The following ZFAT variants were observed in gnomAD, a reference collection of about 807,000 sequenced individuals.
The protein encoded by ZFAT is zinc finger and AT-hook domain containing, also known as zinc finger protein ZFAT.
Under a neutral mutation model 117.7 loss-of-function variants are expected in ZFAT, and 64 were observed. The ratio of observed to expected loss-of-function variants is 0.54; its 90% CI spans 0.44 to 0.67. The LOEUF (loss-of-function observed/expected upper bound fraction) is 0.67, where lower values mean the gene tolerates loss of function less well. Ranked by LOEUF, ZFAT falls within the 30% of genes least tolerant of loss-of-function variation. The pLI is 0.00. For missense variants in ZFAT, 1,433 were observed against 1,584.5 expected, an observed-to-expected ratio of 0.90 and a Z score of 1.62; for synonymous variants, 679 against 615.0, an observed-to-expected ratio of 1.10 and a Z score of -1.54.
At chr8:134,545,964 GC>G (rs1055109762) in intron 11 of ZFAT, among the ~76,000 whole-genome samples, 1 of 152,122 alleles carries the variant, frequency 6.6e-6, no homozygotes, top group Non-Finnish European at 1.5e-5. Context: ...GGCAACAGAG[GC>G]CCCCTTCACA....
intron 3 of ZFAT, among the ~76,000 whole-genome samples, chr8:134,624,351 T>G (rs921844728): frequency 2.0e-5 from 3 of 152,144 alleles, no homozygotes; most frequent in African/African-American, 2.4e-5. Flanking sequence ...CTTCTAGAAG[T>G]GCTTCTTTAG....
At chr8:134,826,438 C>A in the ZFAT span, among the ~76,000 whole-genome samples, 1 of 152,096 alleles carries the variant, frequency 6.6e-6, no homozygotes, top group African/African-American at 2.4e-5. Context: ...TGTAAAAAAT[C>A]CTCACATGTA....
At chr8:134,607,608 A>G (rs1314190106) in intron 5 of ZFAT, among the ~76,000 whole-genome samples, 1 of 152,266 alleles carries the variant, frequency 6.6e-6, no homozygotes, top group East Asian at 1.9e-4. Context: ...CAATTTGTTG[A>G]GCTGAACTCA....
intron 15 of ZFAT, among the ~76,000 whole-genome samples, chr8:134,495,208 C>T (rs900572292): frequency 5.3e-5 from 8 of 152,122 alleles, no homozygotes; most frequent in Non-Finnish European, 8.8e-5. Flanking sequence ...ATAGTTCTGG[C>T]GGCTAGAAGT....
intron 7 of ZFAT, chr8:134,594,772 T>A (rs1433035204): frequency 6.6e-6 from 1 of 152,190 alleles, no homozygotes; most frequent in Non-Finnish European, 1.5e-5. Context: ...ACACCACTTC[T>A]AAGTCCCAGA....
chr8:134,697,791 G>A (rs570528331), intron 1 of ZFAT, among the ~76,000 whole-genome samples: 50 of 149,316 alleles, frequency 3.3e-4, no homozygotes, highest in African/African-American at 9.5e-4. Flanking sequence ...ATGTTGGCCA[G>A]GCTGATCTTA....
intron 1 of ZFAT, among the ~76,000 whole-genome samples, chr8:134,698,647 C>T: frequency 6.6e-6 from 1 of 152,170 alleles, no homozygotes. Context: ...GTCAAAGCCA[C>T]TGTGTCCCAA....
the ZFAT span, among the ~76,000 whole-genome samples, chr8:134,774,488 G>C: frequency 1.3e-5 from 2 of 152,104 alleles, no homozygotes; most frequent in African/African-American, 4.8e-5. Flanking sequence ...CAACATCAAG[G>C]CAAGACACCA....
chr8:134,550,318 A>AG, intron 11 of ZFAT, among the ~76,000 whole-genome samples: 1 of 150,702 alleles, frequency 6.6e-6, no homozygotes, highest in African/African-American at 2.4e-5. Context: ...CGGAAAAAAA[A>AG]AAAAAAAAAA....
chr8:134,676,901 G>A (rs1444024210), intron 1 of ZFAT, among the ~76,000 whole-genome samples: 1 of 152,092 alleles, frequency 6.6e-6, no homozygotes, highest in Non-Finnish European at 1.5e-5. Flanking sequence ...AAACCAATGA[G>A]AACAAAGACA....
the ZFAT span, among the ~76,000 whole-genome samples, chr8:134,817,530 A>T: frequency 2.6e-5 from 4 of 152,136 alleles, no homozygotes; most frequent in Admixed American, 6.5e-5. Flanking sequence ...ATAAACTACC[A>T]AACATTACTG....
At chr8:134,662,302 A>G (rs549561511) in intron 1 of ZFAT, among the ~76,000 whole-genome samples, 1 of 152,300 alleles carries the variant, frequency 6.6e-6, no homozygotes, top group South Asian at 2.1e-4. Flanking sequence ...GTTTTGATCT[A>G]TGAATTTTAG....
At chr8:134,604,824 C>T (rs956273425) in intron 5 of ZFAT, among the ~76,000 whole-genome samples, 6 of 152,026 alleles carry the variant, frequency 3.9e-5, no homozygotes, top group Non-Finnish European at 5.9e-5. Context: ...CATGCTAAGC[C>T]CAAGGCTAAT....
chr8:134,631,401 T>C (rs578239688), intron 3 of ZFAT, among the ~76,000 whole-genome samples: 1 of 152,272 alleles, frequency 6.6e-6, no homozygotes, highest in South Asian at 2.1e-4. Flanking sequence ...ACAGACGTGA[T>C]AGAGCAAACT....
In ZFAT at chr8:134,602,457, C is replaced by T. The variant is rs1018621510; in HGVS notation, c.1262G>A (p.Arg421His). The change falls in exon 6 of 16, where the codon CGC becomes CAC. Residue 421 changes from arginine (R) to histidine (H), a missense_variant. By Grantham distance (29) the Arg-to-His change is conservative. Transcript: ENST00000377838. ...CTTGTCTCCGTGGACCAGCATATGG[C>T]GGTCACGGTCCAGCTCGTTCTTGAA... The part of the protein sequence containing the change: ...RKFKNELDRD[R>H]HMLVHGDKWP... The T allele has an allele frequency of 2.0e-5, 33 of 1,613,768 alleles. No individual in the cohort carries two copies. The highest frequency in any genetic ancestry group is 2.7e-5 in the African/African-American group (2 of 74,930).
intron 7 of ZFAT, among the ~76,000 whole-genome samples, chr8:134,593,199 C>T (rs1200294360): frequency 7.2e-5 from 11 of 152,190 alleles, no homozygotes; most frequent in Admixed American, 5.9e-4. Context: ...CAGGAGTTTA[C>T]GGTGATCTCC....
chr8:134,579,770 GCGAAA>G (rs112769160), intron 10 of ZFAT, among the ~76,000 whole-genome samples: 1,776 of 152,122 alleles, frequency 0.012, 29 homozygotes, highest in African/African-American at 0.04. Context: ...GGCCAACATG[GCGAAA>G]CCCCATCTCT....
chr8:134,480,659 A>T (rs1817234930), intron 15 of ZFAT, among the ~76,000 whole-genome samples: 1 of 152,168 alleles, frequency 6.6e-6, no homozygotes, highest in South Asian at 2.1e-4. Flanking sequence ...GGGCATAGGG[A>T]CTGGGGAGCC....
At chr8:134,661,169 G>C (rs942735247) in intron 1 of ZFAT, among the ~76,000 whole-genome samples, 10 of 152,258 alleles carry the variant, frequency 6.6e-5, no homozygotes, top group Non-Finnish European at 1.5e-5. Context: ...CAGTGCTGCA[G>C]GGCAGTGAAA....
Sources: gnomAD v4.1 joint callset for allele counts (sites outside exome capture counted in the v4.1 genomes callset) on GRCh38, gnomAD v4.1.1 for gene constraint, MANE v1.5 for transcripts, NCBI Gene and HGNC (gene_info 2026-07-23, HGNC 2026-07-21) for gene names.